ABL1: variants seen among roughly 807,000 people sequenced by gnomAD.
ABL1 encodes the protein ABL proto-oncogene 1, non-receptor tyrosine kinase.
In ABL1, 11 loss-of-function variants were observed where a neutral mutation model predicts 94.7. The observed-to-expected ratio is 0.12, with a 90% CI of 0.07 to 0.19. ABL1 has a LOEUF of 0.19. Among genes scored for constraint, ABL1 ranks in the 10% least tolerant of loss-of-function variants. ABL1 has a pLI of 1.00. For missense variants in ABL1, 1,082 were observed against 1,489.4 expected (o/e 0.73, Z 4.50); for synonymous variants, 656 against 622.4 (o/e 1.05, Z -0.80).
intron 4 of ABL1, among the ~76,000 whole-genome samples, chr9:130,864,174 G>T (rs1831119553): frequency 6.6e-6 from 1 of 152,192 alleles, no homozygotes; most frequent in African/African-American, 2.4e-5. Context: ...TGTCTTTGAG[G>T]CAGGACTGGC....
In ABL1 at chr9:130,828,237, A is replaced by T. The variant is rs1368829854; in HGVS notation, c.137-25827A>T. On this transcript the variant is annotated intron_variant, in intron 1 of 10. Coordinates refer to the ABL1 transcript ENST00000372348. ...ACCACCACACCTGGCTAATTTTTAA[A>T]TTTTTTGTAGAGAGATGGGGTCTCA... is the stretch of plus-strand genomic sequence containing the variant. Among the ~76,000 whole-genome samples the T allele has an allele frequency of 3.3e-5, 5 of 152,088 alleles. No homozygotes were observed. In the East Asian group the frequency reaches 9.7e-4, roughly 29 times the overall value.
chr9:130,819,536 T>C (rs913111258), intron 1 of ABL1, among the ~76,000 whole-genome samples: 1 of 139,258 alleles, frequency 7.2e-6, no homozygotes, highest in Non-Finnish European at 1.6e-5. Context: ...AAATACCTTT[T>C]TTTTTTTTTT....
rs1064156 is a variant in ABL1 at position 130,878,519 on chromosome 9, G to A, written c.1375G>A (p.Glu459Lys). The change falls in exon 8 of 11, where the codon GAG becomes AAG. Residue 459 changes from glutamate (E) to lysine (K), a missense_variant. Physicochemically the swap from Glu to Lys is moderately conservative, Grantham distance 56 (BLOSUM62 1). Transcript: ENST00000318560. ...GCTGCTAGAGAAGGACTACCGCATG[G>A]AGCGCCCAGAAGGCTGCCCAGAGAA... Reference protein sequence around the residue: ...YELLEKDYRMERPEGCPEKVY... With the variant: ...YELLEKDYRMKRPEGCPEKVY... 6.2e-7 allele frequency: 1 copy of A among 1,614,196 alleles called. No homozygotes were observed. The highest frequency in any genetic ancestry group is 1.7e-5 in the Admixed American group (1 of 60,026).
chr9:130,727,626 G>T (rs899792250), intron 1 of ABL1, among the ~76,000 whole-genome samples: 1 of 151,758 alleles, frequency 6.6e-6, no homozygotes, highest in Admixed American at 6.6e-5. Context: ...GCTGGGCTTG[G>T]TGGCAGCTGC....
intron 1 of ABL1, among the ~76,000 whole-genome samples, chr9:130,771,281 C>T (rs1360189140): frequency 6.7e-6 from 1 of 148,928 alleles, no homozygotes; most frequent in East Asian, 1.9e-4. Context: ...GATGGGGCCT[C>T]ACTATGTTGC....
intron 1 of ABL1, among the ~76,000 whole-genome samples, chr9:130,716,385 C>G (rs2132665437): frequency 6.6e-6 from 1 of 152,296 alleles, no homozygotes; most frequent in Admixed American, 6.5e-5. Context: ...GAGTGAGCCA[C>G]TGCGCCTGGC....
intron 1 of ABL1, among the ~76,000 whole-genome samples, chr9:130,801,781 T>G (rs11244147): frequency 0.25 from 38,569 of 152,116 alleles, 6,615 homozygotes; most frequent in African/African-American, 0.5. Context: ...GGGTCCTTGT[T>G]CTCATCTGTT....
chr9:130,745,188 G>A (rs1172553136), intron 1 of ABL1, among the ~76,000 whole-genome samples: 7 of 151,178 alleles, frequency 4.6e-5, no homozygotes, highest in African/African-American at 7.3e-5. Flanking sequence ...GGGTTCAAGC[G>A]ATTCTCCTGC....
At chr9:130,870,265 G>A (rs1831230625) in intron 4 of ABL1, among the ~76,000 whole-genome samples, 1 of 152,128 alleles carries the variant, frequency 6.6e-6, no homozygotes, top group Admixed American at 6.5e-5. Context: ...GATGAGAAGA[G>A]GGCTGCCTTT....
At chr9:130,878,343 A>T in intron 7 of ABL1, 72 bp from the exon 8 acceptor site, 2 of 1,558,356 alleles carry the variant, frequency 1.3e-6, no homozygotes, top group Non-Finnish European at 1.8e-6. Flanking sequence ...CTGCAAAGGT[A>T]ACTGATTTTA....
intron 1 of ABL1, among the ~76,000 whole-genome samples, chr9:130,742,805 C>T (rs1326662797): frequency 6.6e-6 from 1 of 151,880 alleles, no homozygotes; most frequent in Admixed American, 6.6e-5. Context: ...GATGTACGCA[C>T]ATTAGTATGT....
Position 130,854,822 on chromosome 9 carries a change from G to A in ABL1, c.275G>A (p.Gly92Asp), listed in dbSNP as rs1393019333. The A allele has an allele frequency of 6.2e-7, 1 of 1,614,030 alleles. No individual in the cohort carries two copies. The highest frequency in any genetic ancestry group is 8.5e-7 in the Non-Finnish European group (1 of 1,180,030). The stretch of plus-strand genomic sequence containing the variant: ...TCAGGTGAAAAGCTCCGGGTCTTAG[G>A]CTATAATCACAATGGGGAATGGTGT... Reference protein sequence around the residue: ...ITKGEKLRVLGYNHNGEWCEA... With the variant: ...ITKGEKLRVLDYNHNGEWCEA... The change falls in exon 3 of 11, where the codon GGC becomes GAC. Residue 92 changes from glycine (G) to aspartate (D), a missense_variant. Gly to Asp is a moderately conservative substitution (Grantham distance 94). Coordinates refer to ENST00000318560, the MANE Select transcript of ABL1 (RefSeq NM_005157.6).
At chr9:130,790,670 C>T (rs140241245) in intron 1 of ABL1, among the ~76,000 whole-genome samples, 457 of 151,572 alleles carry the variant, frequency 3.0e-3, no homozygotes, top group African/African-American at 7.0e-3. Flanking sequence ...AACAGGGTCT[C>T]GCTGTGCTGC....
intron 1 of ABL1, among the ~76,000 whole-genome samples, chr9:130,778,670 C>T (rs531232072): frequency 6.6e-6 from 1 of 151,632 alleles, no homozygotes; most frequent in East Asian, 1.9e-4. Flanking sequence ...TTCAGATCCC[C>T]CAGTTTGTTG....
intron 1 of ABL1, among the ~76,000 whole-genome samples, chr9:130,816,830 A>G (rs2132869714): frequency 6.6e-6 from 1 of 152,276 alleles, no homozygotes; most frequent in African/African-American, 2.4e-5. Context: ...CAGCCTCCCA[A>G]GTAGCTGGGA....
chr9:130,873,946 C>A (rs558177658), intron 6 of ABL1, among the ~76,000 whole-genome samples: 1 of 152,240 alleles, frequency 6.6e-6, no homozygotes, highest in Non-Finnish European at 1.5e-5. Context: ...CCAGATACTC[C>A]TGGCTTTCAG....
chr9:130,741,529 G>A (rs902057235), intron 1 of ABL1, among the ~76,000 whole-genome samples: 2 of 151,166 alleles, frequency 1.3e-5, no homozygotes, highest in African/African-American at 4.9e-5. Context: ...TGATATACTA[G>A]TTACCATCCC....
At position 130,880,777 on chromosome 9, in the gene ABL1, G is replaced by A. The variant is rs1029003157; in HGVS notation, c.1678+113G>A. On this transcript the variant is annotated intron_variant, in intron 10 of 10. Coordinates refer to ENST00000318560, the MANE Select transcript of ABL1 (RefSeq NM_005157.6). This position sits in a 1 kb window ranked among gnomAD's most constrained non-coding sequence, Gnocchi z 4.4. Reference sequence around the variant, plus strand: ...TGAATGGAGCCCGCACAGAAGGGCAGCCATGGCCTTTGTCAATGGTTCAGC... The same window carrying A: ...TGAATGGAGCCCGCACAGAAGGGCAACCATGGCCTTTGTCAATGGTTCAGC... The A allele has an allele frequency of 1.0e-5, 13 of 1,296,362 alleles. No individual in the cohort carries two copies. The African/African-American group carries it at 1.5e-4, about 15-fold the overall frequency. 80.3% of individuals were successfully genotyped at this position (1,296,362 alleles called of 1,614,324 possible). A position where few individuals can be genotyped will look rare whatever the true frequency, so the allele number is the denominator to read the frequency against.
intron 1 of ABL1, among the ~76,000 whole-genome samples, chr9:130,804,162 C>T (rs1356056381): frequency 6.6e-6 from 1 of 151,820 alleles, no homozygotes; most frequent in Non-Finnish European, 1.5e-5. Context: ...CGAGACAATC[C>T]TGGCTAACAC....
Sources: gnomAD v4.1 joint callset for allele counts (sites outside exome capture counted in the v4.1 genomes callset) on GRCh38, gnomAD v4.1.1 for gene constraint, Gnocchi (gnomAD v3.1) non-coding constraint, MANE v1.5 for transcripts, NCBI Gene and HGNC (gene_info 2026-07-23, HGNC 2026-07-21) for gene names.